The following GLIS3 variants were observed in gnomAD, a reference collection of about 807,000 sequenced individuals.
GLIS3 encodes GLIS family zinc finger 3.
A neutral mutation model predicts 78.6 loss-of-function variants in GLIS3; 53 were observed. The observed-to-expected ratio is 0.67, with a 90% CI of 0.54 to 0.85. The LOEUF is 0.85. Ranked by LOEUF, GLIS3 falls within the 40% of genes least tolerant of loss-of-function variation. The probability of loss-of-function intolerance (pLI) is 0.00; values close to 1 mark genes in which losing one functional copy is unlikely to be tolerated. For synonymous variants in GLIS3, 684 were observed against 509.9 expected (o/e 1.34, Z -4.60); for missense variants, 1,703 against 1,231.1 (o/e 1.38, Z -5.74).
chr9:4,269,661 A>T (rs1409153869), intron 2 of GLIS3, among the ~76,000 whole-genome samples: 1 of 152,176 alleles, frequency 6.6e-6, no homozygotes, highest in Non-Finnish European at 1.5e-5. Flanking sequence ...TTATTTTATT[A>T]TAAATTATAT....
intron 2 of GLIS3, among the ~76,000 whole-genome samples, chr9:4,153,891 C>A (rs965210343): frequency 3.3e-5 from 5 of 152,158 alleles, no homozygotes; most frequent in Non-Finnish European, 5.9e-5. Flanking sequence ...GTTGACTGGG[C>A]CCATCAGGAT....
chr9:4,000,250 A>G (rs1821038945), intron 4 of GLIS3, among the ~76,000 whole-genome samples: 1 of 152,228 alleles, frequency 6.6e-6, no homozygotes, highest in African/African-American at 2.4e-5. Context: ...ATTTAGTAGG[A>G]TCCTATTATA....
At chr9:3,903,467 C>T (rs1331730056) in intron 6 of GLIS3, among the ~76,000 whole-genome samples, 1 of 152,176 alleles carries the variant, frequency 6.6e-6, no homozygotes, top group Non-Finnish European at 1.5e-5. Context: ...ACACCAAGGA[C>T]CTTTGTTCAC....
At chr9:4,158,448 G>C (rs1230878923) in intron 2 of GLIS3, among the ~76,000 whole-genome samples, 7 of 152,166 alleles carry the variant, frequency 4.6e-5, no homozygotes, top group African/African-American at 1.2e-4. Flanking sequence ...TCGAGATTAA[G>C]AAAGAAGAGC....
intron 2 of GLIS3, among the ~76,000 whole-genome samples, chr9:4,332,692 A>C (rs562555630): frequency 1.2e-4 from 19 of 152,204 alleles, no homozygotes; most frequent in African/African-American, 4.3e-4. Context: ...AAAGTTCTCT[A>C]ATCTTTGAGC....
chr9:4,220,628 C>T (rs1054796858), intron 2 of GLIS3, among the ~76,000 whole-genome samples: 1 of 151,954 alleles, frequency 6.6e-6, no homozygotes, highest in Non-Finnish European at 1.5e-5. Flanking sequence ...CATACTGAGG[C>T]ATGTCTGGAG....
chr9:4,449,377 C>T, the GLIS3 span, among the ~76,000 whole-genome samples: 26 of 152,220 alleles, frequency 1.7e-4, no homozygotes, highest in African/African-American at 6.3e-4. Flanking sequence ...CTGTAGACCC[C>T]ACCTCTGGTG....
At chr9:3,882,794 T>C (rs1042282050) in intron 7 of GLIS3, among the ~76,000 whole-genome samples, 4 of 152,152 alleles carry the variant, frequency 2.6e-5, no homozygotes, top group African/African-American at 9.7e-5. Flanking sequence ...ATTTGGAAAA[T>C]GTACTTCTTA....
At chr9:4,486,558 G>A in the GLIS3 span, among the ~76,000 whole-genome samples, 65 of 152,296 alleles carry the variant, frequency 4.3e-4, no homozygotes, top group African/African-American at 1.3e-3. Context: ...CTCATTGGGA[G>A]GCTAGGTCTT....
In GLIS3 at chr9:3,988,750, C is replaced by T. The variant is rs117822062; in HGVS notation, c.1711-51561G>A. Reference sequence around the variant, plus strand: ...CTTGACCTAAACCTCATACGTTATACGAAGATGAACTCTAAATGGAATATA... The same window carrying T: ...CTTGACCTAAACCTCATACGTTATATGAAGATGAACTCTAAATGGAATATA... On this transcript the variant is annotated intron_variant, in intron 4 of 10. Coordinates refer to ENST00000381971, the MANE Select transcript of GLIS3 (RefSeq NM_001042413.2). Among the ~76,000 whole-genome samples the T allele has an allele frequency of 9.4e-3, 1,422 of 151,736 alleles. 13 individuals carry two copies. Among genetic ancestry groups the T allele is most frequent in the South Asian group, 0.018 (86 of 4,796 alleles).
chr9:4,146,653 C>T (rs975789397), intron 2 of GLIS3, among the ~76,000 whole-genome samples: 5 of 152,170 alleles, frequency 3.3e-5, no homozygotes, highest in Non-Finnish European at 7.3e-5. Flanking sequence ...ACTGCAGTTA[C>T]GATCCACTCA....
chr9:4,107,100 T>C (rs1194395723), intron 4 of GLIS3, among the ~76,000 whole-genome samples: 1 of 152,096 alleles, frequency 6.6e-6, no homozygotes, highest in Non-Finnish European at 1.5e-5. Flanking sequence ...AAAAAATAAA[T>C]GGTCTTTAAA....
At chr9:4,271,014 CCT>C (rs1010632092) in intron 2 of GLIS3, among the ~76,000 whole-genome samples, 23 of 152,040 alleles carry the variant, frequency 1.5e-4, no homozygotes, top group Middle Eastern at 3.4e-3. Flanking sequence ...CTCAGCCACC[CCT>C]GAGACAGCAA....
chr9:4,309,134 A>C (rs1817299283), intron 3 of GLIS3, among the ~76,000 whole-genome samples: 1 of 152,140 alleles, frequency 6.6e-6, no homozygotes, highest in South Asian at 2.1e-4. Flanking sequence ...CCGAATTGTT[A>C]CTCTATCTTG....
At chr9:4,120,152 A>G (rs1239506791) in intron 3 of GLIS3, among the ~76,000 whole-genome samples, 1 of 152,230 alleles carries the variant, frequency 6.6e-6, no homozygotes, top group Non-Finnish European at 1.5e-5. Context: ...ACCTGTCTCA[A>G]AGGAACTGAG....
At chr9:4,003,644 T>G (rs1435070940) in intron 4 of GLIS3, among the ~76,000 whole-genome samples, 1 of 152,184 alleles carries the variant, frequency 6.6e-6, no homozygotes, top group African/African-American at 2.4e-5. Flanking sequence ...ATTCTGCACA[T>G]TTGAATACCA....
intron 4 of GLIS3, among the ~76,000 whole-genome samples, chr9:4,107,251 C>T (rs1830829962): frequency 6.6e-6 from 1 of 152,140 alleles, no homozygotes; most frequent in Non-Finnish European, 1.5e-5. Context: ...GTGGCAGATA[C>T]TATACTCTGT....
chr9:4,334,844 C>G (rs1405424117), intron 2 of GLIS3, among the ~76,000 whole-genome samples: 1 of 151,900 alleles, frequency 6.6e-6, no homozygotes, highest in Non-Finnish European at 1.5e-5. Context: ...GCAGTCATGC[C>G]TGCTCTCTTC....
intron 4 of GLIS3, among the ~76,000 whole-genome samples, chr9:4,082,349 G>C (rs748021752): frequency 2.0e-5 from 3 of 152,170 alleles, no homozygotes; most frequent in African/African-American, 7.2e-5. Flanking sequence ...AAAGAAGATA[G>C]AACGAAGGAA....
Sources: allele counts gnomAD v4.1 joint callset (sites outside exome capture counted in the v4.1 genomes callset), GRCh38; gene constraint gnomAD v4.1.1; transcripts MANE v1.5; gene names NCBI Gene and HGNC (gene_info 2026-07-23, HGNC 2026-07-21).